The following ADGRB3 variants were observed in gnomAD, a reference collection of about 807,000 sequenced individuals.
The protein encoded by ADGRB3 is adhesion G protein-coupled receptor B3.
ADGRB3 carries 37 observed loss-of-function variants against 193.4 expected under a neutral mutation model. The ratio of observed to expected loss-of-function variants is 0.19; its 90% CI spans 0.15 to 0.25. The LOEUF is 0.25. Ranked by LOEUF, ADGRB3 falls within the 10% of genes least tolerant of loss-of-function variation. The pLI, the probability that ADGRB3 is intolerant of heterozygous loss-of-function variation, is 1.00. For synonymous variants in ADGRB3, 690 were observed against 644.2 expected (o/e 1.07, Z -1.08); for missense variants, 1,637 against 1,852.9 (o/e 0.88, Z 2.14).
intron 17 of ADGRB3, among the ~76,000 whole-genome samples, chr6:69,127,057 G>C (rs1773872207): frequency 1.3e-5 from 2 of 152,162 alleles, no homozygotes; most frequent in Admixed American, 1.3e-4. Flanking sequence ...ATAGTGTGTG[G>C]GAAGCAAAAG....
chr6:69,272,557 G>A (rs1273932579), intron 20 of ADGRB3, among the ~76,000 whole-genome samples: 1 of 152,170 alleles, frequency 6.6e-6, no homozygotes, highest in Non-Finnish European at 1.5e-5. Flanking sequence ...GAAAGTAAAG[G>A]AGGAATCTGG....
At chr6:69,004,214 C>T (rs1769672568) in intron 11 of ADGRB3, among the ~76,000 whole-genome samples, 1 of 152,108 alleles carries the variant, frequency 6.6e-6, no homozygotes, top group South Asian at 2.1e-4. Context: ...ACTTAAACAA[C>T]AAACATTTAT....
At chr6:69,345,368 C>G (rs1367275931) in intron 26 of ADGRB3, among the ~76,000 whole-genome samples, 4 of 152,152 alleles carry the variant, frequency 2.6e-5, no homozygotes, top group Admixed American at 2.6e-4. Flanking sequence ...TACTGGCAAA[C>G]TGAATCCAAC....
chr6:68,761,529 G>A (rs1188655194), intron 3 of ADGRB3, among the ~76,000 whole-genome samples: 1 of 151,390 alleles, frequency 6.6e-6, no homozygotes, highest in Non-Finnish European at 1.5e-5. Flanking sequence ...CAGTGTCGAT[G>A]TGGTGCTTGC....
chr6:69,331,233 T>C (rs1390878590), intron 23 of ADGRB3, among the ~76,000 whole-genome samples: 1 of 152,174 alleles, frequency 6.6e-6, no homozygotes, highest in Non-Finnish European at 1.5e-5. Flanking sequence ...AATTTCTCTT[T>C]TGAAACCACA....
chr6:68,852,740 T>A (rs1768432253), intron 3 of ADGRB3, among the ~76,000 whole-genome samples: 3 of 152,008 alleles, frequency 2.0e-5, no homozygotes, highest in Admixed American at 2.0e-4. Flanking sequence ...TTTTAAAAAA[T>A]TGTAGTCTTC....
chr6:68,771,236 G>A (rs568107737), intron 3 of ADGRB3, among the ~76,000 whole-genome samples: 14 of 152,106 alleles, frequency 9.2e-5, no homozygotes, highest in African/African-American at 2.9e-4. Flanking sequence ...TGAATGCACA[G>A]TGTTTTCTTC....
rs779504494 is a variant in ADGRB3 at position 69,338,998 on chromosome 6, A to G, written c.3271A>G (p.Thr1091Ala). 6.2e-7 allele frequency: 1 copy of G among 1,612,674 alleles called. No homozygotes were observed. The highest frequency in any genetic ancestry group is 2.2e-5 in the East Asian group (1 of 44,864). ...TTCAACAACAGCTTTGTCAGCCACC[A>G]CCGCCAGTAACGCCATGTTAGTCCC... is the stretch of plus-strand genomic sequence containing the variant. ...VVSTTALSAT[T>A]ASNAMASLWS... Residue 1091 changes from threonine to alanine, a missense_variant, in exon 25 of 32, where the codon ACC becomes GCC. Thr to Ala is a moderately conservative substitution (Grantham distance 58, BLOSUM62 0). Transcript: ENST00000370598.
At chr6:69,288,708 T>C (rs1488787610) in intron 20 of ADGRB3, among the ~76,000 whole-genome samples, 1 of 152,216 alleles carries the variant, frequency 6.6e-6, no homozygotes. Context: ...CCTGGGCAGG[T>C]GTGTGGCTTT....
chr6:69,072,790 C>T (rs1772114255), intron 16 of ADGRB3, among the ~76,000 whole-genome samples: 1 of 152,136 alleles, frequency 6.6e-6, no homozygotes, highest in Non-Finnish European at 1.5e-5. Context: ...CTCTGAGCTC[C>T]TTTGAACAAA....
chr6:69,081,795 C>A (rs187441039), intron 17 of ADGRB3, among the ~76,000 whole-genome samples: 2 of 151,968 alleles, frequency 1.3e-5, no homozygotes, highest in African/African-American at 4.8e-5. Flanking sequence ...ATAAGCAATT[C>A]TTTTTTAACT....
At chr6:69,166,892 T>C (rs1315654719) in intron 17 of ADGRB3, among the ~76,000 whole-genome samples, 1 of 152,176 alleles carries the variant, frequency 6.6e-6, no homozygotes, top group Non-Finnish European at 1.5e-5. Flanking sequence ...TTCTCTTTTC[T>C]ATCAATGCTC....
At chr6:68,991,863 G>T (rs949093355) in intron 10 of ADGRB3, among the ~76,000 whole-genome samples, 1 of 152,066 alleles carries the variant, frequency 6.6e-6, no homozygotes, top group Non-Finnish European at 1.5e-5. Context: ...GAGGAAACAT[G>T]GTAAGCTGAG....
intron 22 of ADGRB3, among the ~76,000 whole-genome samples, chr6:69,330,068 A>G (rs2127312879): frequency 6.6e-6 from 1 of 152,258 alleles, no homozygotes; most frequent in East Asian, 1.9e-4. Context: ...TATTTCAATG[A>G]CCTCGAGGAA....
intron 17 of ADGRB3, among the ~76,000 whole-genome samples, chr6:69,115,492 T>C (rs1380734605): frequency 6.6e-6 from 1 of 152,086 alleles, no homozygotes; most frequent in Admixed American, 6.5e-5. Context: ...AAATACCAAA[T>C]GTAGATGACA....
intron 3 of ADGRB3, among the ~76,000 whole-genome samples, chr6:68,645,249 T>A (rs985572275): frequency 6.6e-6 from 1 of 152,164 alleles, no homozygotes; most frequent in African/African-American, 2.4e-5. Context: ...TTCCTTATAA[T>A]GGCTACTACT....
intron 29 of ADGRB3, among the ~76,000 whole-genome samples, chr6:69,365,826 C>CA (rs2127335816): frequency 6.6e-6 from 1 of 152,092 alleles, no homozygotes; most frequent in East Asian, 1.9e-4. Context: ...AATATTTTAG[C>CA]AATAATATCA....
At position 69,270,242 on chromosome 6, in the gene ADGRB3, T is replaced by G. The variant is rs1767143278; in HGVS notation, c.2814+31016T>G. Among the ~76,000 whole-genome samples, 4 of 147,714 alleles carry G rather than the reference T, an allele frequency of 2.7e-5. No individual in the cohort carries two copies. In the South Asian group the frequency reaches 8.6e-4, roughly 32 times the overall value. On this transcript the variant is annotated intron_variant, in intron 20 of 31. Transcript: ENST00000370598. ...GAATGTCAAGTACATTTATCATCAG[T>G]TAAATGAATTAATTATAAATGAACA...
At chr6:68,837,902 A>T (rs1768075454) in intron 3 of ADGRB3, among the ~76,000 whole-genome samples, 1 of 152,168 alleles carries the variant, frequency 6.6e-6, no homozygotes, top group Admixed American at 6.5e-5. Flanking sequence ...ACTACCAAAC[A>T]TTATCTCAAG....
Sources: allele counts gnomAD v4.1 joint callset (sites outside exome capture counted in the v4.1 genomes callset), GRCh38; gene constraint gnomAD v4.1.1; transcripts MANE v1.5; gene names NCBI Gene and HGNC (gene_info 2026-07-23, HGNC 2026-07-21).